SBF2: variants seen among roughly 807,000 people sequenced by gnomAD.
SBF2 encodes the protein SET binding factor 2.
A neutral mutation model predicts 225.2 loss-of-function variants in SBF2; 112 were observed. The observed-to-expected ratio is 0.50, with a 90% CI of 0.43 to 0.58. The LOEUF (loss-of-function observed/expected upper bound fraction) is 0.58, where lower values mean the gene tolerates loss of function less well. SBF2 is among the 20% of genes least tolerant of loss of function. SBF2 has a pLI of 0.00. For missense variants in SBF2, 1,996 were observed against 2,206.2 expected (o/e 0.90, Z 1.91); for synonymous variants, 763 against 773.3 (o/e 0.99, Z 0.22).
intron 2 of SBF2, among the ~76,000 whole-genome samples, chr11:10,121,065 C>T (rs1166938961): frequency 6.6e-6 from 1 of 152,196 alleles, no homozygotes; most frequent in African/African-American, 2.4e-5. Flanking sequence ...CACGCCCCGC[C>T]TGTTTTTTGT....
intron 16 of SBF2, among the ~76,000 whole-genome samples, chr11:9,930,281 C>T (rs967136871): frequency 1.3e-5 from 2 of 152,112 alleles, no homozygotes; most frequent in Non-Finnish European, 2.9e-5. Context: ...TATAACAGTA[C>T]TATTCACCAT....
At chr11:10,202,976 T>C (rs1280864107) in intron 1 of SBF2, among the ~76,000 whole-genome samples, 2 of 151,538 alleles carry the variant, frequency 1.3e-5, no homozygotes, top group Non-Finnish European at 2.9e-5. Context: ...AAACAAATTA[T>C]GTGAGCCCTA....
intron 16 of SBF2, among the ~76,000 whole-genome samples, chr11:9,903,884 G>A (rs998042028): frequency 1.3e-5 from 2 of 152,092 alleles, no homozygotes; most frequent in African/African-American, 4.8e-5. Flanking sequence ...GTCTCTTAAT[G>A]CTCATGCCCA....
intron 16 of SBF2, among the ~76,000 whole-genome samples, chr11:9,907,565 C>A (rs966473821): frequency 6.6e-5 from 10 of 152,162 alleles, no homozygotes; most frequent in Non-Finnish European, 1.3e-4. Flanking sequence ...AATAAACCTA[C>A]AAAACCATAA....
At chr11:9,964,205 C>T (rs1318959416) in intron 14 of SBF2, among the ~76,000 whole-genome samples, 8 of 152,184 alleles carry the variant, frequency 5.3e-5, no homozygotes, top group African/African-American at 1.7e-4. Context: ...GCTAGGACAG[C>T]ACTACTGAAC....
chr11:9,792,270 A>C (rs998981703), intron 33 of SBF2, among the ~76,000 whole-genome samples: 2 of 151,938 alleles, frequency 1.3e-5, no homozygotes, highest in Non-Finnish European at 2.9e-5. Flanking sequence ...ATCTCTACTA[A>C]AGATACAAAA....
At chr11:10,114,160 T>C (rs897811924) in intron 2 of SBF2, among the ~76,000 whole-genome samples, 1 of 151,548 alleles carries the variant, frequency 6.6e-6, no homozygotes, top group Non-Finnish European at 1.5e-5. Context: ...TCCCAAAGCA[T>C]TACTGAAGGA....
intron 28 of SBF2, among the ~76,000 whole-genome samples, chr11:9,817,748 A>AG (rs1854530817): frequency 7.6e-6 from 1 of 131,344 alleles, no homozygotes; most frequent in South Asian, 2.5e-4. Flanking sequence ...CTACCAAAAA[A>AG]AAAAAAAAAA....
chr11:9,916,516 C>T (rs1375179344), intron 16 of SBF2, among the ~76,000 whole-genome samples: 1 of 151,624 alleles, frequency 6.6e-6, no homozygotes, highest in Admixed American at 6.6e-5. Flanking sequence ...TACAGGTGGT[C>T]AGGATAGTAA....
intron 16 of SBF2, among the ~76,000 whole-genome samples, chr11:9,908,411 G>A (rs1590399997): frequency 6.6e-6 from 1 of 152,104 alleles, no homozygotes; most frequent in African/African-American, 2.4e-5. Flanking sequence ...AGATCACGAG[G>A]TCAGGAGATC....
At chr11:9,969,576 T>C (rs567216442) in intron 13 of SBF2, among the ~76,000 whole-genome samples, 131 of 152,304 alleles carry the variant, frequency 8.6e-4, no homozygotes, top group African/African-American at 3.1e-3. Flanking sequence ...CCTTTGCACT[T>C]AACTGTTCTC....
intron 13 of SBF2, among the ~76,000 whole-genome samples, chr11:9,973,618 GA>G (rs1385823993): frequency 6.6e-6 from 1 of 152,144 alleles, no homozygotes; most frequent in Non-Finnish European, 1.5e-5. Flanking sequence ...TCTCAGACAT[GA>G]AAAAGTGACA....
chr11:10,159,758 C>T (rs1244192539), intron 2 of SBF2, among the ~76,000 whole-genome samples: 2 of 152,010 alleles, frequency 1.3e-5, no homozygotes, highest in African/African-American at 2.4e-5. Context: ...GGCGCAGTGG[C>T]GGGTGCCTAT....
chr11:10,244,722 C>T (rs1172927436), intron 1 of SBF2, among the ~76,000 whole-genome samples: 1 of 152,068 alleles, frequency 6.6e-6, no homozygotes, highest in Non-Finnish European at 1.5e-5. Flanking sequence ...AAACAATAAA[C>T]AAAACACAAA....
chr11:10,241,579 T>C (rs189123622), intron 1 of SBF2, among the ~76,000 whole-genome samples: 1 of 151,908 alleles, frequency 6.6e-6, no homozygotes, highest in African/African-American at 2.4e-5. Flanking sequence ...GCAATAATAA[T>C]CAAAATCAGG....
chr11:9,873,795 T>C lies in SBF2; in HGVS notation c.1930-15399A>G, dbSNP rs1858984160. On this transcript the variant is annotated intron_variant, in intron 17 of 39. Transcript: ENST00000256190. ...CGGGCACGGTGGCTCACGCCTGTAA[T>C]CCCAGCACTTTGGGAGGCCGAGGCG... 4.6e-5 allele frequency among the ~76,000 whole-genome samples: 7 copies of C among 152,312 alleles called. No homozygotes were observed. The South Asian group carries it at 1.4e-3, about 32-fold the overall frequency.
In SBF2 at chr11:9,845,661, T is replaced by A. The variant is rs1416203235; in HGVS notation, c.3014A>T (p.Tyr1005Phe). Residue 1005 changes from tyrosine (Y) to phenylalanine (F), a missense_variant, in exon 24 of 40, where the codon TAT becomes TTT. Transcript: ENST00000256190. ...IFKKQLMKFR[Y>F]PQSIFSTFAF... ...AAAGGTACTGAAAATGGACTGAGGA[T>A]AACGGAACTTCATCAGCTGTTTCTT... 6.2e-7 allele frequency: 1 copy of A among 1,613,886 alleles called. No homozygotes were observed. The highest frequency in any genetic ancestry group is 1.1e-5 in the South Asian group (1 of 91,082).
chr11:10,072,356 G>A (rs1025169030), intron 2 of SBF2, among the ~76,000 whole-genome samples: 3 of 152,130 alleles, frequency 2.0e-5, no homozygotes, highest in East Asian at 1.9e-4. Context: ...AGCACAAAGT[G>A]TTGACATTTC....
chr11:10,038,430 G>GCTTTT (rs1158604340), intron 3 of SBF2, among the ~76,000 whole-genome samples: 6 of 151,922 alleles, frequency 3.9e-5, no homozygotes, highest in Non-Finnish European at 7.4e-5. Context: ...CTTTGCACAA[G>GCTTTT]CTTTTTGTTT....
Sources: gnomAD v4.1 joint callset for allele counts (sites outside exome capture counted in the v4.1 genomes callset) on GRCh38, gnomAD v4.1.1 for gene constraint, MANE v1.5 for transcripts, NCBI Gene and HGNC (gene_info 2026-07-23, HGNC 2026-07-21) for gene names.